Variants in ELOVL7 observed in about 807,000 individuals in gnomAD.
ELOVL7 encodes ELOVL fatty acid elongase 7, also known as very long chain fatty acid elongase 7.
ELOVL7 carries 27 observed loss-of-function variants against 35.7 expected under a neutral mutation model. The ratio of observed to expected loss-of-function variants is 0.76; its 90% CI spans 0.56 to 1.04. ELOVL7 has a LOEUF of 1.04. Among genes scored for constraint, ELOVL7 ranks in the 50% least tolerant of loss-of-function variants. The probability of loss-of-function intolerance (pLI) is 0.00; values close to 1 mark genes in which losing one functional copy is unlikely to be tolerated. For missense variants in ELOVL7, 327 were observed against 340.8 expected, an observed-to-expected ratio of 0.96 and a Z score of 0.32; for synonymous variants, 113 against 114.6, an observed-to-expected ratio of 0.99 and a Z score of 0.09.
In ELOVL7 at chr5:60,787,375, G is replaced by A. The variant is rs149077457; in HGVS notation, c.23C>T (p.Ser8Leu). Reference protein sequence around the residue: MAFSDLTSRTVHLYDNWI... With the variant: MAFSDLTLRTVHLYDNWI... ...ATTATCATAAAGATGCACAGTCCTCGATGTAAGATCACTGAAGGCCATTTT... is the reference window on the plus strand; with the variant it reads ...ATTATCATAAAGATGCACAGTCCTCAATGTAAGATCACTGAAGGCCATTTT... The change falls in exon 3 of 9, where the codon TCG becomes TTG. Residue 8 changes from serine to leucine, a missense_variant. By Grantham distance (145) the Ser-to-Leu change is moderately radical. Coordinates refer to ENST00000508821, the MANE Select transcript of ELOVL7 (RefSeq NM_024930.3). 9.4e-6 allele frequency: 15 copies of A among 1,603,650 alleles called. No individual in the cohort carries two copies. The highest frequency in any genetic ancestry group is 8.1e-5 in the African/African-American group (6 of 74,340).
At chr5:60,791,671 AT>A (rs1483578850) in intron 2 of ELOVL7, among the ~76,000 whole-genome samples, 1 of 152,210 alleles carries the variant, frequency 6.6e-6, no homozygotes, top group African/African-American at 2.4e-5. Flanking sequence ...AACAGATTGT[AT>A]GATTCTTCCC....
intron 2 of ELOVL7, among the ~76,000 whole-genome samples, chr5:60,796,805 G>A (rs764821300): frequency 6.6e-6 from 1 of 152,156 alleles, no homozygotes; most frequent in African/African-American, 2.4e-5. Flanking sequence ...GTTAAGGTTG[G>A]TTTAGAGGCA....
chr5:60,768,359 A>C (rs756375614), intron 4 of ELOVL7, among the ~76,000 whole-genome samples: 6 of 152,192 alleles, frequency 3.9e-5, no homozygotes, highest in Admixed American at 6.5e-5. Context: ...ATGCAAACCA[A>C]AATGCCTCAA....
chr5:60,807,992 C>CAAAAAAAAAAAAAAAAAAAAA (rs34086506), intron 1 of ELOVL7, among the ~76,000 whole-genome samples: 1 of 42,412 alleles, frequency 2.4e-5, no homozygotes, highest in Non-Finnish European at 4.4e-5. Context: ...GACTCCGTCT[C>CAAAAAAAAAAAAAAAAAAAAA]AAAAAAAAAA....
chr5:60,834,170 C>G (rs1371686200), intron 1 of ELOVL7, among the ~76,000 whole-genome samples: 1 of 151,636 alleles, frequency 6.6e-6, no homozygotes, highest in African/African-American at 2.4e-5. Flanking sequence ...GAGACGGAGT[C>G]TCGCTCTGTC....
intron 2 of ELOVL7, among the ~76,000 whole-genome samples, chr5:60,797,756 A>G (rs575527710): frequency 6.6e-6 from 1 of 152,290 alleles, no homozygotes; most frequent in East Asian, 1.9e-4. Flanking sequence ...CAGTACAAGG[A>G]CATCTGAGCA....
At chr5:60,814,998 T>C (rs1256203026) in intron 1 of ELOVL7, among the ~76,000 whole-genome samples, 1 of 152,188 alleles carries the variant, frequency 6.6e-6, no homozygotes, top group Non-Finnish European at 1.5e-5. Flanking sequence ...CAGGAAACTA[T>C]AAGAGGACCC....
At chr5:60,799,281 C>T (rs1194988889) in intron 1 of ELOVL7, 51 bp from the exon 2 acceptor site, 1 of 151,554 alleles carries the variant, frequency 6.6e-6, no homozygotes, top group African/African-American at 2.4e-5. Context: ...CATTACACTT[C>T]AAGAAACTAG....
intron 3 of ELOVL7, among the ~76,000 whole-genome samples, chr5:60,780,416 G>A (rs894302184): frequency 5.9e-5 from 9 of 151,962 alleles, no homozygotes; most frequent in Admixed American, 1.3e-4. Context: ...CACGGCGCCC[G>A]GCCAAACTTT....
chr5:60,780,228 T>C (rs28793906), intron 3 of ELOVL7, among the ~76,000 whole-genome samples: 87 of 149,878 alleles, frequency 5.8e-4, no homozygotes, highest in African/African-American at 2.0e-3. Flanking sequence ...CAAGTGATTC[T>C]CCTGCCTAAG....
intron 1 of ELOVL7, among the ~76,000 whole-genome samples, chr5:60,808,009 A>T (rs1164899109): frequency 1.4e-5 from 2 of 144,188 alleles, no homozygotes; most frequent in African/African-American, 5.6e-5. Flanking sequence ...AAAAAAAAAA[A>T]AAAAAAAAAA....
At chr5:60,761,945 C>A (rs1181379786) in intron 7 of ELOVL7, among the ~76,000 whole-genome samples, 1 of 151,968 alleles carries the variant, frequency 6.6e-6, no homozygotes, top group East Asian at 1.9e-4. Context: ...TCTGTAAGAT[C>A]GAAGGGGGCT....
chr5:60,806,765 G>A (rs1012900608), intron 1 of ELOVL7, among the ~76,000 whole-genome samples: 27 of 152,112 alleles, frequency 1.8e-4, no homozygotes, highest in African/African-American at 5.8e-4. Flanking sequence ...TTCACAGGGA[G>A]GCAGCCCCTC....
intron 1 of ELOVL7, among the ~76,000 whole-genome samples, chr5:60,809,689 A>C (rs1745136139): frequency 6.6e-6 from 1 of 152,260 alleles, no homozygotes; most frequent in African/African-American, 2.4e-5. Context: ...CTGAAATTGC[A>C]TGAGTGTTTA....
chr5:60,821,499 TA>T (rs1483726484), intron 1 of ELOVL7, among the ~76,000 whole-genome samples: 2 of 152,226 alleles, frequency 1.3e-5, no homozygotes, highest in Non-Finnish European at 2.9e-5. Context: ...TCTTCATGAC[TA>T]AAAATCCTTG....
At chr5:60,755,011 G>A (rs1741452134) in intron 8 of ELOVL7, among the ~76,000 whole-genome samples, 178 bp from the exon 9 acceptor site, 3 of 152,148 alleles carry the variant, frequency 2.0e-5, no homozygotes, top group Admixed American at 1.3e-4. Context: ...AAGCCAGTTG[G>A]AAGTATGGAT....
intron 2 of ELOVL7, among the ~76,000 whole-genome samples, chr5:60,797,833 G>T (rs560274896): frequency 1.3e-5 from 2 of 152,318 alleles, no homozygotes; most frequent in African/African-American, 4.8e-5. Context: ...AAGGGAAAAA[G>T]CAGCTGGGAA....
chr5:60,834,519 T>C (rs1219012313), intron 1 of ELOVL7, among the ~76,000 whole-genome samples: 1 of 152,190 alleles, frequency 6.6e-6, no homozygotes, highest in Non-Finnish European at 1.5e-5. Flanking sequence ...ATAAGAAGCA[T>C]GAGCCAGGCA....
At position 60,794,620 on chromosome 5, in the gene ELOVL7, G is replaced by A. The variant is rs990549951; in HGVS notation, c.-35+4560C>T. Among the ~76,000 whole-genome samples the A allele has an allele frequency of 8.5e-5, 13 of 152,338 alleles. No homozygotes were observed. The South Asian group carries it at 1.0e-3, about 12-fold the overall frequency. ...TTCTGCAACAGACATTGGAGACACT[G>A]TACCTGAGGGAAAGGAGTGGTAGAA... is the stretch of plus-strand genomic sequence containing the variant. On this transcript the variant is annotated intron_variant, in intron 2 of 8. Coordinates refer to ENST00000508821, the MANE Select transcript of ELOVL7 (RefSeq NM_024930.3).
Sources: allele counts gnomAD v4.1 joint callset (sites outside exome capture counted in the v4.1 genomes callset), GRCh38; gene constraint gnomAD v4.1.1; transcripts MANE v1.5; gene names NCBI Gene and HGNC (gene_info 2026-07-23, HGNC 2026-07-21).